The following GRM5 variants were observed in gnomAD, a reference collection of about 807,000 sequenced individuals.
GRM5 encodes metabotropic glutamate receptor 5.
A neutral mutation model predicts 83.1 loss-of-function variants in GRM5; 19 were observed. The observed-to-expected ratio is 0.23, with a 90% CI of 0.16 to 0.34. GRM5 has a LOEUF of 0.34. Ranked by LOEUF, GRM5 falls within the 10% of genes least tolerant of loss-of-function variation. The pLI is 1.00. For missense variants in GRM5, 1,160 were observed against 1,588.3 expected, an observed-to-expected ratio of 0.73 and a Z score of 4.58; for synonymous variants, 675 against 633.6, an observed-to-expected ratio of 1.07 and a Z score of -0.98.
chr11:88,997,540 A>G (rs757884918), intron 2 of GRM5, among the ~76,000 whole-genome samples: 1 of 152,058 alleles, frequency 6.6e-6, no homozygotes, highest in African/African-American at 2.4e-5. Flanking sequence ...CAATCCTCTA[A>G]GAAGACTGAA....
At chr11:89,053,682 C>CAAAAA (rs56034890) in intron 1 of GRM5, among the ~76,000 whole-genome samples, 1 of 148,184 alleles carries the variant, frequency 6.7e-6, no homozygotes. Flanking sequence ...TGTTTAAAAG[C>CAAAAA]AAAAAAAAAA....
intron 9 of GRM5, among the ~76,000 whole-genome samples, chr11:88,514,818 T>C (rs1240627835): frequency 2.0e-5 from 3 of 152,168 alleles, no homozygotes; most frequent in Non-Finnish European, 4.4e-5. Context: ...TAAAATAGCA[T>C]GGATAAGCAA....
chr11:88,626,853 C>T (rs1306204318), intron 4 of GRM5, among the ~76,000 whole-genome samples: 2 of 152,144 alleles, frequency 1.3e-5, no homozygotes, highest in African/African-American at 2.4e-5. Context: ...AATTTCTCTC[C>T]CTTTCTGCCA....
At chr11:88,593,977 G>T (rs1937725723) in intron 6 of GRM5, among the ~76,000 whole-genome samples, 1 of 151,772 alleles carries the variant, frequency 6.6e-6, no homozygotes, top group Admixed American at 6.6e-5. Flanking sequence ...TGTATTTTTA[G>T]TAGAGACGGG....
intron 8 of GRM5, among the ~76,000 whole-genome samples, chr11:88,529,653 G>A (rs935737152): frequency 6.6e-6 from 1 of 151,916 alleles, no homozygotes; most frequent in Non-Finnish European, 1.5e-5. Flanking sequence ...AAATGCAATG[G>A]ACTTGAAGGA....
chr11:89,024,436 A>C (rs1248664434), intron 2 of GRM5, among the ~76,000 whole-genome samples: 3 of 152,192 alleles, frequency 2.0e-5, no homozygotes, highest in Non-Finnish European at 4.4e-5. Context: ...TAGCAAAAAT[A>C]ATTCTGATCA....
chr11:88,905,958 G>C (rs1158711331), intron 2 of GRM5, among the ~76,000 whole-genome samples: 1 of 151,998 alleles, frequency 6.6e-6, no homozygotes, highest in African/African-American at 2.4e-5. Flanking sequence ...AAACAGGAGG[G>C]GAAGTCAGAA....
chr11:88,836,474 T>C (rs1185198930), intron 3 of GRM5, among the ~76,000 whole-genome samples: 1 of 152,200 alleles, frequency 6.6e-6, no homozygotes, highest in Admixed American at 6.5e-5. Flanking sequence ...ATAGTTCACA[T>C]CTTCTGTTAA....
At chr11:88,994,124 A>G (rs1331388435) in intron 2 of GRM5, among the ~76,000 whole-genome samples, 1 of 152,066 alleles carries the variant, frequency 6.6e-6, no homozygotes, top group East Asian at 1.9e-4. Flanking sequence ...CTTATTTAAA[A>G]TAGAATAAAC....
At chr11:88,579,039 A>G (rs926317258) in intron 7 of GRM5, among the ~76,000 whole-genome samples, 2 of 152,152 alleles carry the variant, frequency 1.3e-5, no homozygotes, top group Non-Finnish European at 2.9e-5. Context: ...GATCATGAGC[A>G]TGGATATTTT....
At chr11:88,743,163 C>A (rs1002996672) in intron 3 of GRM5, among the ~76,000 whole-genome samples, 4 of 152,070 alleles carry the variant, frequency 2.6e-5, no homozygotes, top group Non-Finnish European at 5.9e-5. Flanking sequence ...TACAGCAGGA[C>A]CCACAGTTTT....
chr11:88,901,893 C>T (rs1258174067), intron 2 of GRM5, among the ~76,000 whole-genome samples: 2 of 152,124 alleles, frequency 1.3e-5, no homozygotes, highest in Non-Finnish European at 2.9e-5. Flanking sequence ...TTTGTTTTCC[C>T]ATCTCTTAGG....
chr11:88,758,435 C>A (rs1328011574), intron 3 of GRM5, among the ~76,000 whole-genome samples: 1 of 152,056 alleles, frequency 6.6e-6, no homozygotes, highest in Non-Finnish European at 1.5e-5. Flanking sequence ...TTTCATAATG[C>A]AATTGCAAGT....
intron 4 of GRM5, among the ~76,000 whole-genome samples, chr11:88,637,846 A>G (rs1252528869): frequency 6.7e-6 from 1 of 149,672 alleles, no homozygotes; most frequent in Non-Finnish European, 1.5e-5. Flanking sequence ...CTATAAAGAC[A>G]CATGCACATG....
intron 2 of GRM5, among the ~76,000 whole-genome samples, chr11:88,919,238 CTATA>C (rs147135169): frequency 3.1e-5 from 1 of 32,390 alleles, no homozygotes; most frequent in Non-Finnish European, 1.6e-4. Context: ...GCAGGAGTAG[CTATA>C]TATATATATA....
chr11:88,937,794 T>C (rs555550783), intron 2 of GRM5, among the ~76,000 whole-genome samples: 2 of 151,846 alleles, frequency 1.3e-5, no homozygotes, highest in South Asian at 4.1e-4. Context: ...GTGTTTGTTA[T>C]ATTCACATAC....
intron 2 of GRM5, among the ~76,000 whole-genome samples, chr11:88,939,853 G>A (rs1213169747): frequency 1.3e-5 from 2 of 151,742 alleles, no homozygotes; most frequent in Non-Finnish European, 2.9e-5. Context: ...AGTCAGAGGA[G>A]CATTGCAAAC....
chr11:88,944,230 T>C (rs533227870), intron 2 of GRM5, among the ~76,000 whole-genome samples: 1 of 151,946 alleles, frequency 6.6e-6, no homozygotes, highest in Non-Finnish European at 1.5e-5. Context: ...AGCCAGATTA[T>C]AAGGAATTTC....
At chr11:88,983,229 C>T (rs1039683248) in intron 2 of GRM5, among the ~76,000 whole-genome samples, 1 of 152,144 alleles carries the variant, frequency 6.6e-6, no homozygotes, top group Admixed American at 6.5e-5. Flanking sequence ...TATATCATTA[C>T]AATTTTTTCT....
Sources: allele counts gnomAD v4.1 joint callset (sites outside exome capture counted in the v4.1 genomes callset), GRCh38; gene constraint gnomAD v4.1.1; transcripts MANE v1.5; gene names NCBI Gene and HGNC (gene_info 2026-07-23, HGNC 2026-07-21).